Variants in DNAJC2 observed in about 807,000 individuals in gnomAD.
DNAJC2 encodes the protein DnaJ heat shock protein family (Hsp40) member C2, also known as dnaJ homolog subfamily C member 2.
A neutral mutation model predicts 94.0 loss-of-function variants in DNAJC2; 32 were observed. That is an observed-to-expected ratio of 0.34 (90% CI 0.26 to 0.46). The LOEUF (loss-of-function observed/expected upper bound fraction) is 0.46, where lower values mean the gene tolerates loss of function less well. Ranked by LOEUF, DNAJC2 falls within the 20% of genes least tolerant of loss-of-function variation. DNAJC2 has a pLI of 1.00. For missense variants in DNAJC2, 550 were observed against 719.5 expected, an observed-to-expected ratio of 0.76 and a Z score of 2.69; for synonymous variants, 210 against 229.7, an observed-to-expected ratio of 0.91 and a Z score of 0.77.
chr7:103,344,764 C>A lies in DNAJC2; in HGVS notation c.-142G>T. The A allele has an allele frequency of 6.5e-6, 5 of 768,688 alleles. No homozygotes were observed. Among genetic ancestry groups the A allele is most frequent in the Middle Eastern group, 3.7e-4 (1 of 2,690 alleles). 47.6% of individuals were successfully genotyped at this position (768,688 alleles called of 1,614,324 possible). ...CCAGGAACCGGCGCATGGAGACGAC[C>A]AGTAAGCACTTCCGGGATGGATCTT... On this transcript the variant is annotated 5_prime_UTR_variant, in exon 1 of 17. Transcript: ENST00000379263.
rs774540822 is a variant in DNAJC2, at chr7:103,322,795, CTA to C, written c.720-3_720-2del. On this transcript the variant is annotated splice_acceptor_variant and splice_polypyrimidine_tract_variant and intron_variant, in intron 7 of 16. Transcript: ENST00000379263. LOFTEE classifies it high-confidence loss of function. ...TTCAATCCATCTCCTCTCATCACGACTATAAAATAGAAAATATTGGAAACAAA... is the reference window on the plus strand; with the variant it reads ...TTCAATCCATCTCCTCTCATCACGACTAAAATAGAAAATATTGGAAACAAA... 1 of 1,600,842 alleles carries C rather than the reference CTA, an allele frequency of 6.2e-7. No individual in the cohort carries two copies. Among genetic ancestry groups the C allele is most frequent in the Non-Finnish European group, 8.5e-7 (1 of 1,178,028 alleles).
intron 1 of DNAJC2, among the ~76,000 whole-genome samples, chr7:103,343,223 A>G (rs183254360): frequency 2.7e-3 from 411 of 151,432 alleles, no homozygotes; most frequent in Admixed American, 4.3e-3. Flanking sequence ...CTGGTCTCGA[A>G]CTGCTGACCT....
At chr7:103,324,695 T>TTTTAATG in intron 5 of DNAJC2, 133 bp from the exon 6 acceptor site, 1 of 906,952 alleles carries the variant, frequency 1.1e-6, no homozygotes, top group East Asian at 3.8e-5. Flanking sequence ...ACTCTACAAC[T>TTTTAATG]CGAAGATGGA....
chr7:103,315,989 A>C lies in DNAJC2; in HGVS notation c.1527T>G (p.Leu509=). 1.9e-6 allele frequency: 3 copies of C among 1,589,704 alleles called. No homozygotes were observed. Among genetic ancestry groups the C allele is most frequent in the Non-Finnish European group, 2.6e-6 (3 of 1,168,106 alleles). The change falls in exon 14 of 17, where the codon CTT becomes CTG. Residue 509 remains leucine, a splice_region_variant and synonymous_variant. Transcript: ENST00000379263. The part of the protein sequence containing the change: ...VIGKAKSLQK[L]DPHQKDDINK... ...ACAAATGGACTTCTCAAAACTCACC[A>C]AGTTTTTGGAGACTCTTTGCTTTGC...
At chr7:103,332,855 C>T (rs975399222) in intron 3 of DNAJC2, among the ~76,000 whole-genome samples, 2 of 152,140 alleles carry the variant, frequency 1.3e-5, no homozygotes, top group African/African-American at 4.8e-5. Flanking sequence ...AACTACAGAG[C>T]TCAAACAATC....
Position 103,326,647 on chromosome 7 carries a change from T to A in DNAJC2, c.468A>T (p.Ala156=). ...CAAAAGTAGGATCTACACTGTTAAA[T>A]GCTCGTCTTTTCACTGGATCAGATA... The part of the protein sequence containing the change: ...EMLSDPVKRR[A]FNSVDPTFDN... Residue 156 remains alanine, a synonymous_variant, in exon 5 of 17, where the codon GCA becomes GCT. Coordinates refer to ENST00000379263, the MANE Select transcript of DNAJC2 (RefSeq NM_014377.3). 4 of 1,613,226 alleles carry A rather than the reference T, an allele frequency of 2.5e-6. No homozygotes were observed. The highest frequency in any genetic ancestry group is 3.4e-6 in the Non-Finnish European group (4 of 1,179,720).
At chr7:103,334,044 G>A (rs950887283) in intron 3 of DNAJC2, among the ~76,000 whole-genome samples, 10 of 150,728 alleles carry the variant, frequency 6.6e-5, no homozygotes, top group Non-Finnish European at 1.3e-4. Flanking sequence ...TCCACCTCCC[G>A]GGTTCACGCC....
chr7:103,323,798 C>T (rs1039517367), intron 6 of DNAJC2, 135 bp from the exon 7 acceptor site: 2 of 686,074 alleles, frequency 2.9e-6, no homozygotes. Flanking sequence ...AAGTCTTTCT[C>T]CTTTTTTAAG....
chr7:103,315,962 T>A (rs771885551), intron 14 of DNAJC2, 26 bp downstream of exon 14: 1 of 1,566,964 alleles, frequency 6.4e-7, no homozygotes, highest in South Asian at 1.2e-5. Context: ...GTGTTTAAAG[T>A]AACAAATGGA....
In DNAJC2 at chr7:103,337,735, C is replaced by T; in HGVS notation, c.331+1G>A. On this transcript the variant is annotated splice_donor_variant, in intron 3 of 16. Transcript: ENST00000379263. LOFTEE classifies it high-confidence loss of function. Reference sequence around the variant, plus strand: ...TTATTTCAAAATAACTAAGTACTTACGAGCTGCTTTGATCTGTCTCTGTGT... The same window carrying T: ...TTATTTCAAAATAACTAAGTACTTATGAGCTGCTTTGATCTGTCTCTGTGT... The T allele has an allele frequency of 6.2e-7, 1 of 1,610,676 alleles. No homozygotes were observed. The highest frequency in any genetic ancestry group is 8.5e-7 in the Non-Finnish European group (1 of 1,177,384).
At position 103,323,608 on chromosome 7, in the gene DNAJC2, TTTCTTTTTC is replaced by T; in HGVS notation, c.700_708del (p.Glu234_Glu236del). 6.8e-7 allele frequency: 1 copy of T among 1,469,188 alleles called. No individual in the cohort carries two copies. The highest frequency in any genetic ancestry group is 2.0e-5 in the Admixed American group (1 of 49,070). 91.0% of individuals were successfully genotyped at this position (1,469,188 alleles called of 1,614,324 possible). A position where few individuals can be genotyped will look rare whatever the true frequency, so the allele number is the denominator to read the frequency against. On this transcript the variant is annotated inframe_deletion, in exon 7 of 17. Coordinates refer to ENST00000379263, the MANE Select transcript of DNAJC2 (RefSeq NM_014377.3). ...GATTTGCATACATACCATTCTGCTT[TTTCTTTTTC>T]TTCTTCATCTAAATAAGAAAATTCT...
At chr7:103,340,681 G>A (rs924568130) in intron 2 of DNAJC2, among the ~76,000 whole-genome samples, 3 of 152,124 alleles carry the variant, frequency 2.0e-5, no homozygotes, top group Non-Finnish European at 2.9e-5. Context: ...CACAGCATAC[G>A]CATTTAACTA....
chr7:103,339,861 A>C (rs1332589375), intron 2 of DNAJC2, among the ~76,000 whole-genome samples: 1 of 145,882 alleles, frequency 6.9e-6, no homozygotes, highest in African/African-American at 2.6e-5. Flanking sequence ...TTTTTGAGAT[A>C]GAGTTTTGCT....
Position 103,327,645 on chromosome 7 carries a change from CA to C in DNAJC2, c.430+10del. 6.5e-7 allele frequency: 1 copy of C among 1,536,724 alleles called. No homozygotes were observed. Among genetic ancestry groups the C allele is most frequent in the Non-Finnish European group, 9.0e-7 (1 of 1,117,196 alleles). ...CTATTAGAAATTCCTGACTCTAAAG[CA>C]TTTTCTTACCTTTAGTTATGCAAGT... On this transcript the variant is annotated intron_variant, in intron 4 of 16. Coordinates refer to ENST00000379263, the MANE Select transcript of DNAJC2 (RefSeq NM_014377.3).
chr7:103,318,065 G>C lies in DNAJC2; in HGVS notation c.1243-1051C>G, dbSNP rs140405793. ...TGAACCTTCTGTTAATCAAAGATTT[G>C]CAGTAATGGAAACTAGTCAACAAGG... is the stretch of plus-strand genomic sequence containing the variant. On this transcript the variant is annotated intron_variant, in intron 12 of 16. Coordinates refer to ENST00000379263, the MANE Select transcript of DNAJC2 (RefSeq NM_014377.3). Among the ~76,000 whole-genome samples, 573 of 152,298 alleles carry C rather than the reference G, an allele frequency of 3.8e-3. 4 individuals carry two copies. The highest frequency in any genetic ancestry group is 0.014 in the African/African-American group (564 of 41,560).
chr7:103,312,500 A>G lies in DNAJC2; in HGVS notation c.*69T>C. The G allele has an allele frequency of 7.6e-6, 12 of 1,579,634 alleles. No homozygotes were observed. The South Asian group carries it at 1.3e-4, about 17-fold the overall frequency. On this transcript the variant is annotated 3_prime_UTR_variant, in exon 17 of 17. Coordinates refer to ENST00000379263, the MANE Select transcript of DNAJC2 (RefSeq NM_014377.3). ...ACTTTCAAATTATTACCATGAGTATAATTTTAAGAATGAAAATGTTTACAG... is the reference window on the plus strand; with the variant it reads ...ACTTTCAAATTATTACCATGAGTATGATTTTAAGAATGAAAATGTTTACAG...
In DNAJC2 at chr7:103,315,879, A is replaced by G. The variant is rs755351996; in HGVS notation, c.1529-8T>C. 1 of 1,599,092 alleles carries G rather than the reference A, an allele frequency of 6.3e-7. No individual in the cohort carries two copies. The highest frequency in any genetic ancestry group is 1.7e-5 in the Admixed American group (1 of 58,984). On this transcript the variant is annotated splice_region_variant and splice_polypyrimidine_tract_variant and intron_variant, in intron 14 of 16. Coordinates refer to ENST00000379263, the MANE Select transcript of DNAJC2 (RefSeq NM_014377.3). ...CATCTTTTTGATGAGGGTCTGAGAA[A>G]TGAAAAAAATTTAATACTTAACAGA... is the stretch of plus-strand genomic sequence containing the variant.
At chr7:103,337,576 G>A in intron 3 of DNAJC2, 160 bp downstream of exon 3, 1 of 581,314 alleles carries the variant, frequency 1.7e-6, no homozygotes, top group Non-Finnish European at 3.0e-6. Flanking sequence ...TGATTCTGAA[G>A]GCAGGGGAGA....
At chr7:103,341,978 G>T in intron 1 of DNAJC2, 24 bp from the exon 2 acceptor site, 1 of 1,512,184 alleles carries the variant, frequency 6.6e-7, no homozygotes, top group East Asian at 2.3e-5. Flanking sequence ...TGTTAAGAGA[G>T]GCTTCAGTGT....
Sources: allele counts gnomAD v4.1 joint callset (sites outside exome capture counted in the v4.1 genomes callset), GRCh38; gene constraint gnomAD v4.1.1; transcripts MANE v1.5; gene names NCBI Gene and HGNC (gene_info 2026-07-23, HGNC 2026-07-21).